The following RNF144A variants were observed in gnomAD, a reference collection of about 807,000 sequenced individuals.
RNF144A encodes the protein E3 ubiquitin-protein ligase RNF144A.
RNF144A carries 11 observed loss-of-function variants against 38.7 expected under a neutral mutation model. The observed-to-expected ratio is 0.28, with a 90% CI of 0.18 to 0.47. The LOEUF (loss-of-function observed/expected upper bound fraction) is 0.47, where lower values mean the gene tolerates loss of function less well. RNF144A is among the 20% of genes least tolerant of loss of function. RNF144A has a pLI of 0.99. For missense variants in RNF144A, 316 were observed against 377.2 expected (o/e 0.84, Z 1.34); for synonymous variants, 149 against 143.9 (o/e 1.04, Z -0.25).
Position 7,024,355 on chromosome 2 carries a change from C to G in RNF144A, c.510-14C>G, listed in dbSNP as rs557013278. The G allele has an allele frequency of 1.9e-6, 3 of 1,592,190 alleles. No individual in the cohort carries two copies. Among genetic ancestry groups the G allele is most frequent in the East Asian group, 2.3e-5 (1 of 44,408 alleles). On this transcript the variant is annotated splice_polypyrimidine_tract_variant and intron_variant, in intron 6 of 8. Coordinates refer to ENST00000320892, the MANE Select transcript of RNF144A (RefSeq NM_014746.6). ...ATCCGTTTGTGCAGAGTCCTCACGGCGTTTCTCCCACAGTGCTGCTTTCAA... is the reference window on the plus strand; with the variant it reads ...ATCCGTTTGTGCAGAGTCCTCACGGGGTTTCTCCCACAGTGCTGCTTTCAA...
chr2:6,997,425 A>G (rs1029937364), intron 3 of RNF144A, among the ~76,000 whole-genome samples: 6 of 152,260 alleles, frequency 3.9e-5, no homozygotes, highest in African/African-American at 1.4e-4. Context: ...TGGCAGTGCT[A>G]ACCTAGTGAT....
intron 2 of RNF144A, among the ~76,000 whole-genome samples, chr2:6,953,187 G>A (rs991022594): frequency 6.6e-6 from 1 of 152,150 alleles, no homozygotes; most frequent in Non-Finnish European, 1.5e-5. Flanking sequence ...AGCACTTTGG[G>A]AGGCTGAAGC....
At chr2:6,978,208 C>G (rs1419912350) in intron 2 of RNF144A, among the ~76,000 whole-genome samples, 1 of 152,122 alleles carries the variant, frequency 6.6e-6, no homozygotes, top group Non-Finnish European at 1.5e-5. Flanking sequence ...CTTTATGTGT[C>G]AGAGGCCTAT....
At chr2:7,007,179 C>T (rs916560570) in intron 3 of RNF144A, among the ~76,000 whole-genome samples, 3 of 152,190 alleles carry the variant, frequency 2.0e-5, no homozygotes, top group Admixed American at 6.5e-5. Flanking sequence ...CAGCAGGTAG[C>T]GTCCTCAACC....
In RNF144A at chr2:6,958,163, G is replaced by C. The variant is rs906308583; in HGVS notation, c.-12+17016G>C. Among the ~76,000 whole-genome samples the C allele has an allele frequency of 2.0e-5, 3 of 152,240 alleles. No individual in the cohort carries two copies. Among genetic ancestry groups the C allele is most frequent in the African/African-American group, 7.2e-5 (3 of 41,454 alleles). On this transcript the variant is annotated intron_variant, in intron 2 of 8. Transcript: ENST00000320892. This position sits in a 1 kb window ranked among gnomAD's most constrained non-coding sequence, Gnocchi z 4.5. ...GCCACCATGGGGCACCGGGCGTGCT[G>C]TCTCTTCCTGGAAGGTGGAACTTGA... is the stretch of plus-strand genomic sequence containing the variant.
chr2:6,920,778 T>C (rs962368994), intron 1 of RNF144A, among the ~76,000 whole-genome samples: 2 of 152,222 alleles, frequency 1.3e-5, no homozygotes, highest in Non-Finnish European at 2.9e-5. Context: ...CTGAAACACA[T>C]GAATACCCTT....
chr2:6,941,804 A>G lies in RNF144A; in HGVS notation c.-12+657A>G, dbSNP rs1442401160. Among the ~76,000 whole-genome samples the G allele has an allele frequency of 3.9e-5, 6 of 152,250 alleles. No individual in the cohort carries two copies. The highest frequency in any genetic ancestry group is 2.4e-5 in the African/African-American group (1 of 41,468). The stretch of plus-strand genomic sequence containing the variant: ...ACTAGCCACTTAGCATCTGGGCAAG[A>G]GCGCTGTAGACAGAAGGGCTGGTGG... On this transcript the variant is annotated intron_variant, in intron 2 of 8. Transcript: ENST00000320892. This position sits in a 1 kb window ranked among gnomAD's most constrained non-coding sequence, Gnocchi z 6.5.
chr2:6,921,603 A>G lies in RNF144A; in HGVS notation c.-212+3981A>G, dbSNP rs1478494105. Among the ~76,000 whole-genome samples, 3 of 152,228 alleles carry G rather than the reference A, an allele frequency of 2.0e-5. No homozygotes were observed. In the East Asian group the frequency reaches 5.8e-4, roughly 29 times the overall value. Reference sequence around the variant, plus strand: ...TGGCTTTGAACCCAGAGGCCTGCAGATAAGGATAGATCCCATGACCTTGAG... The same window carrying G: ...TGGCTTTGAACCCAGAGGCCTGCAGGTAAGGATAGATCCCATGACCTTGAG... On this transcript the variant is annotated intron_variant, in intron 1 of 8. Coordinates refer to ENST00000320892, the MANE Select transcript of RNF144A (RefSeq NM_014746.6).
At chr2:6,959,439 ATG>A (rs77936830) in intron 2 of RNF144A, among the ~76,000 whole-genome samples, 82,669 of 151,840 alleles carry the variant, frequency 0.54, 27,758 homozygotes, top group Non-Finnish European at 0.75. Flanking sequence ...CTGCTGTTGG[ATG>A]TCTTAGTTCA....
At position 6,974,300 on chromosome 2, in the gene RNF144A, A is replaced by G. The variant is rs76334148; in HGVS notation, c.-11-22616A>G. 4.6e-5 allele frequency among the ~76,000 whole-genome samples: 7 copies of G among 152,304 alleles called. No individual in the cohort carries two copies. In the East Asian group the frequency reaches 1.3e-3, roughly 29 times the overall value. ...TCTAGTTTTCAGAAAATAATTAAAT[A>G]CAGCATTGTGGTTCAGAGCATGGGG... is the stretch of plus-strand genomic sequence containing the variant. On this transcript the variant is annotated intron_variant, in intron 2 of 8. Coordinates refer to ENST00000320892, the MANE Select transcript of RNF144A (RefSeq NM_014746.6).
In RNF144A at chr2:7,039,829, TC is replaced by T; in HGVS notation, c.*75del. ...GGCTCTCCCCCAACCCTCCCCACCG[TC>T]CCCCCTTCACTAAACATCTTTCTTG... is the stretch of plus-strand genomic sequence containing the variant. On this transcript the variant is annotated 3_prime_UTR_variant, in exon 9 of 9. Coordinates refer to ENST00000320892, the MANE Select transcript of RNF144A (RefSeq NM_014746.6). 1 of 1,575,432 alleles carries T rather than the reference TC, an allele frequency of 6.3e-7. No homozygotes were observed. The highest frequency in any genetic ancestry group is 1.2e-5 in the South Asian group (1 of 86,632).
At chr2:7,021,573 C>G (rs1479926805) in intron 6 of RNF144A, among the ~76,000 whole-genome samples, 1 of 152,224 alleles carries the variant, frequency 6.6e-6, no homozygotes, top group Non-Finnish European at 1.5e-5. Flanking sequence ...TGCCACACTT[C>G]AGGTGGGGAT....
At position 7,041,738 on chromosome 2, in the gene RNF144A, C is replaced by T. The variant is rs552891669; in HGVS notation, c.*1978C>T. 51 of 985,562 alleles carry T rather than the reference C, an allele frequency of 5.2e-5. No individual in the cohort carries two copies. The African/African-American group carries it at 8.5e-4, about 17-fold the overall frequency. 61.1% of individuals were successfully genotyped at this position (985,562 alleles called of 1,614,324 possible). On this transcript the variant is annotated 3_prime_UTR_variant, in exon 9 of 9. Transcript: ENST00000320892. ...TGTGTCCAGTGGCCCACAGGACACG[C>T]CTCCACCATATGCTCATCCTTCCTG...
intron 6 of RNF144A, among the ~76,000 whole-genome samples, chr2:7,059,611 A>G (rs776789254): frequency 6.6e-6 from 1 of 152,238 alleles, no homozygotes; most frequent in African/African-American, 2.4e-5. Context: ...ACCAGTATAG[A>G]GAGAACCTTG....
chr2:7,039,556 G>C, intron 8 of RNF144A, 73 bp from the exon 9 acceptor site: 5 of 1,568,818 alleles, frequency 3.2e-6, no homozygotes, highest in Non-Finnish European at 4.3e-6. Context: ...AGCTGGTTGT[G>C]TGGTTTACAC....
At chr2:7,058,346 A>G (rs1018006565) in intron 6 of RNF144A, among the ~76,000 whole-genome samples, 1 of 152,086 alleles carries the variant, frequency 6.6e-6, no homozygotes, top group Admixed American at 6.5e-5. Context: ...CTGAAAAAAA[A>G]AAAAAAAAAA....
chr2:7,066,874 A>T (rs568050386), intron 6 of RNF144A, among the ~76,000 whole-genome samples: 4 of 152,212 alleles, frequency 2.6e-5, no homozygotes, highest in Non-Finnish European at 5.9e-5. Flanking sequence ...CCTGAGAGCA[A>T]GTCCTTGGCT....
At chr2:6,977,613 G>C (rs1668393964) in intron 2 of RNF144A, among the ~76,000 whole-genome samples, 1 of 152,236 alleles carries the variant, frequency 6.6e-6, no homozygotes, top group Non-Finnish European at 1.5e-5. Context: ...AACTTCTGGT[G>C]CAGGAGAAGC....
intron 6 of RNF144A, among the ~76,000 whole-genome samples, chr2:7,060,160 TCTC>T (rs1236748382): frequency 1.3e-5 from 2 of 152,192 alleles, no homozygotes; most frequent in Non-Finnish European, 2.9e-5. Flanking sequence ...TTCTTCTTCA[TCTC>T]CTCCTCTCAC....
Sources: gnomAD v4.1 joint callset for allele counts (sites outside exome capture counted in the v4.1 genomes callset) on GRCh38, gnomAD v4.1.1 for gene constraint, Gnocchi (gnomAD v3.1) non-coding constraint, MANE v1.5 for transcripts, NCBI Gene and HGNC (gene_info 2026-07-23, HGNC 2026-07-21) for gene names.